Variants in HYCC1 observed in about 807,000 individuals in gnomAD.
HYCC1 encodes hyccin PI4KA lipid kinase complex subunit 1.
the HYCC1 span, among the ~76,000 whole-genome samples, chr7:22,895,845 C>T: frequency 2.0e-5 from 3 of 152,196 alleles, no homozygotes; most frequent in Admixed American, 6.5e-5. Context: ...ACCAGCAAGG[C>T]TGTGAAGCTG....
the HYCC1 span, among the ~76,000 whole-genome samples, chr7:22,915,357 T>C: frequency 6.6e-6 from 1 of 152,232 alleles, no homozygotes; most frequent in African/African-American, 2.4e-5. Context: ...GGTCAGGTAT[T>C]CCTTCGGGAC....
chr7:22,908,535 T>C, the HYCC1 span, among the ~76,000 whole-genome samples: 1 of 152,218 alleles, frequency 6.6e-6, no homozygotes, highest in Non-Finnish European at 1.5e-5. Context: ...TCCATGCATC[T>C]TTGATCTACA....
the HYCC1 span, among the ~76,000 whole-genome samples, chr7:22,980,882 C>G: frequency 6.6e-6 from 1 of 152,170 alleles, no homozygotes; most frequent in Non-Finnish European, 1.5e-5. Flanking sequence ...TTATAGTCAA[C>G]TAAAAGCGCC....
chr7:22,991,180 TTTTA>T, the HYCC1 span: 8 of 1,311,164 alleles, frequency 6.1e-6, no homozygotes, highest in Admixed American at 1.2e-4. Flanking sequence ...TTTGAATATA[TTTTA>T]TTTAGTCAGA....
At chr7:22,979,036 T>C in the HYCC1 span, among the ~76,000 whole-genome samples, 1 of 152,178 alleles carries the variant, frequency 6.6e-6, no homozygotes, top group African/African-American at 2.4e-5. Flanking sequence ...TAATCAAATA[T>C]GTTAAGAGAT....
chr7:22,902,594 A>G, the HYCC1 span, among the ~76,000 whole-genome samples: 24 of 152,118 alleles, frequency 1.6e-4, no homozygotes, highest in Non-Finnish European at 7.4e-5. Context: ...ATAGACCAGG[A>G]GAACTGGATA....
chr7:22,988,155 CA>C, the HYCC1 span, among the ~76,000 whole-genome samples: 1 of 152,096 alleles, frequency 6.6e-6, no homozygotes, highest in African/African-American at 2.4e-5. Context: ...AATAACACTC[CA>C]AATAATTATC....
At chr7:22,984,039 G>C in the HYCC1 span, 16 of 1,571,568 alleles carry the variant, frequency 1.0e-5, no homozygotes, top group South Asian at 1.2e-4. Flanking sequence ...GATGTTTCTG[G>C]TAATGTCTAA....
the HYCC1 span, chr7:22,984,066 A>T: frequency 7.1e-7 from 1 of 1,413,508 alleles, no homozygotes; most frequent in Non-Finnish European, 1.0e-6. Flanking sequence ...TTAAAAAAAT[A>T]CATTTTACTT....
chr7:22,915,643 A>T, the HYCC1 span, among the ~76,000 whole-genome samples: 1 of 152,290 alleles, frequency 6.6e-6, no homozygotes, highest in East Asian at 1.9e-4. Flanking sequence ...TGCTTTGGGT[A>T]GATCTTACAG....
At chr7:22,924,141 G>T in the HYCC1 span, among the ~76,000 whole-genome samples, 1 of 143,878 alleles carries the variant, frequency 7.0e-6, no homozygotes, top group Non-Finnish European at 1.5e-5. Context: ...TCATGTCACT[G>T]CACTCCAACC....
chr7:22,979,312 G>A, the HYCC1 span, among the ~76,000 whole-genome samples: 8 of 152,160 alleles, frequency 5.3e-5, no homozygotes, highest in African/African-American at 1.9e-4. Flanking sequence ...TAAACACTAA[G>A]TCAAACTAGT....
chr7:22,927,461 G>A, the HYCC1 span, among the ~76,000 whole-genome samples: 1 of 152,118 alleles, frequency 6.6e-6, no homozygotes, highest in Non-Finnish European at 1.5e-5. Context: ...GAAGAAAAGA[G>A]AGAAGAATCA....
At chr7:22,919,349 C>T in the HYCC1 span, among the ~76,000 whole-genome samples, 3 of 152,010 alleles carry the variant, frequency 2.0e-5, no homozygotes, top group Non-Finnish European at 4.4e-5. Context: ...GCCAACATGG[C>T]GAAACCCCAT....
chr7:22,910,496 A>G, the HYCC1 span, among the ~76,000 whole-genome samples: 1 of 152,244 alleles, frequency 6.6e-6, no homozygotes, highest in East Asian at 1.9e-4. Context: ...ATTCAGTCTC[A>G]GCAATGCAAA....
the HYCC1 span, among the ~76,000 whole-genome samples, chr7:22,917,677 T>C: frequency 1.3e-5 from 2 of 152,308 alleles, no homozygotes; most frequent in Non-Finnish European, 2.9e-5. Context: ...TATAATACAG[T>C]CTGATAACGG....
chr7:22,926,618 A>C, the HYCC1 span, among the ~76,000 whole-genome samples: 1 of 152,164 alleles, frequency 6.6e-6, no homozygotes, highest in Non-Finnish European at 1.5e-5. Flanking sequence ...GGATCAATTC[A>C]ACAAGAAAAG....
chr7:22,998,471 T>A, the HYCC1 span, among the ~76,000 whole-genome samples: 1 of 152,208 alleles, frequency 6.6e-6, no homozygotes, highest in Non-Finnish European at 1.5e-5. Context: ...CAACATTTTT[T>A]AAAATTTTTT....
the HYCC1 span, among the ~76,000 whole-genome samples, chr7:22,906,563 G>C: frequency 6.8e-6 from 1 of 146,524 alleles, no homozygotes; most frequent in Admixed American, 6.9e-5. Context: ...GGGTGACAGA[G>C]TGAGACTCGG....
Sources: gnomAD v4.1 joint callset for allele counts (sites outside exome capture counted in the v4.1 genomes callset) on GRCh38, gnomAD v4.1.1 for gene constraint, MANE v1.5 for transcripts, NCBI Gene and HGNC (gene_info 2026-07-23, HGNC 2026-07-21) for gene names.